RAB5A: variants seen among roughly 807,000 people sequenced by gnomAD.
RAB5A encodes ras-related protein Rab-5A.
In RAB5A, 8 loss-of-function variants were observed where a neutral mutation model predicts 25.7. The observed-to-expected ratio is 0.31, with a 90% CI of 0.18 to 0.56. RAB5A has a LOEUF of 0.56. Among genes scored for constraint, RAB5A ranks in the 20% least tolerant of loss-of-function variants. RAB5A has a pLI of 0.91. For synonymous variants in RAB5A, 98 were observed against 89.8 expected, an observed-to-expected ratio of 1.09 and a Z score of -0.52; for missense variants, 192 against 259.7, an observed-to-expected ratio of 0.74 and a Z score of 1.79.
chr3:19,964,581 T>G (rs920554545), intron 2 of RAB5A, among the ~76,000 whole-genome samples: 1 of 152,168 alleles, frequency 6.6e-6, no homozygotes, highest in Non-Finnish European at 1.5e-5. Context: ...GAGATCAGGT[T>G]TGGGGCACTA....
At chr3:19,982,396 A>G (rs116565000) in intron 5 of RAB5A, among the ~76,000 whole-genome samples, 25 of 152,324 alleles carry the variant, frequency 1.6e-4, no homozygotes, top group African/African-American at 4.8e-4. Context: ...CCAGTATGCT[A>G]AGTTTTGACA....
Position 19,978,361 on chromosome 3 carries a change from G to A in RAB5A, c.490G>A (p.Ala164Thr), listed in dbSNP as rs777286944. The A allele has an allele frequency of 7.5e-6, 12 of 1,609,686 alleles. No homozygotes were observed. Among genetic ancestry groups the A allele is most frequent in the Admixed American group, 3.3e-5 (2 of 59,810 alleles). The change falls in exon 5 of 6, where the codon GCT becomes ACT. Residue 164 changes from alanine (A) to threonine (T), a missense_variant. By Grantham distance (58) the Ala-to-Thr change is moderately conservative. Transcript: ENST00000273047. ...DNSLLFMETS[A>T]KTSMNVNEIF... Reference sequence around the variant, plus strand: ...TAGTTTATTATTCATGGAGACATCCGCTAAAACATCAATGAATGTAAATGA... The same window carrying A: ...TAGTTTATTATTCATGGAGACATCCACTAAAACATCAATGAATGTAAATGA...
At chr3:19,967,832 C>CA (rs1199347726) in intron 2 of RAB5A, among the ~76,000 whole-genome samples, 3 of 152,164 alleles carry the variant, frequency 2.0e-5, no homozygotes, top group South Asian at 2.1e-4. Flanking sequence ...TAACTACACT[C>CA]ACGACTGTCG....
At chr3:19,975,499 G>T (rs940958549) in intron 2 of RAB5A, 102 bp from the exon 3 acceptor site, 16 of 1,115,984 alleles carry the variant, frequency 1.4e-5, no homozygotes, top group African/African-American at 1.6e-5. Flanking sequence ...TACTTACGGG[G>T]TACAGTGTGA....
chr3:19,981,737 C>T (rs9310601), intron 5 of RAB5A, among the ~76,000 whole-genome samples: 2,735 of 152,146 alleles, frequency 0.018, 73 homozygotes, highest in African/African-American at 0.062. Flanking sequence ...CAGTGGGAAG[C>T]ACACTCCAGA....
chr3:19,975,442 T>C lies in RAB5A; in HGVS notation c.164-159T>C, dbSNP rs1021970036. On this transcript the variant is annotated intron_variant, in intron 2 of 5. Coordinates refer to ENST00000273047, the MANE Select transcript of RAB5A (RefSeq NM_004162.5). ...CAAGTTTCTAGGTGTTTTCTTTTTT[T>C]TTCCCCCCTCATTTATTACTTTTAA... The C allele has an allele frequency of 1.0e-4, 62 of 616,740 alleles. 1 individual carries two copies. Among genetic ancestry groups the C allele is most frequent in the Middle Eastern group, 9.3e-4 (2 of 2,152 alleles). The allele number at this position is 616,740 out of a possible 1,614,324, so 38.2% of individuals were successfully genotyped here.
chr3:19,954,041 A>G (rs796757285), intron 2 of RAB5A, among the ~76,000 whole-genome samples: 15 of 152,004 alleles, frequency 9.9e-5, no homozygotes, highest in African/African-American at 3.4e-4. Flanking sequence ...TTGAGACGGA[A>G]TTTCACTACG....
intron 2 of RAB5A, among the ~76,000 whole-genome samples, chr3:19,953,370 T>G (rs1696451747): frequency 6.6e-6 from 1 of 151,854 alleles, no homozygotes; most frequent in Non-Finnish European, 1.5e-5. Flanking sequence ...AGCTTCCTGT[T>G]TAAAAACAAA....
intron 4 of RAB5A, 91 bp downstream of exon 4, chr3:19,976,260 C>T: frequency 7.4e-7 from 1 of 1,359,860 alleles, no homozygotes; most frequent in Non-Finnish European, 1.0e-6. Context: ...AATGTCAAAA[C>T]CATGCAAGTA....
chr3:19,981,648 CTTAGGATGGA>C (rs1696930206), intron 5 of RAB5A, among the ~76,000 whole-genome samples: 1 of 151,698 alleles, frequency 6.6e-6, no homozygotes, highest in Non-Finnish European at 1.5e-5. Flanking sequence ...AAACATACAA[CTTAGGATGGA>C]TATATCAGGA....
At chr3:19,951,249 T>C in intron 2 of RAB5A, 188 bp downstream of exon 2, 1 of 588,836 alleles carries the variant, frequency 1.7e-6, no homozygotes, top group Non-Finnish European at 2.8e-6. Flanking sequence ...TATATTTGAT[T>C]GTTTGGTTAA....
At chr3:19,957,416 C>T (rs558973812) in intron 2 of RAB5A, among the ~76,000 whole-genome samples, 10 of 151,562 alleles carry the variant, frequency 6.6e-5, no homozygotes, top group African/African-American at 2.4e-4. Flanking sequence ...CCTGTAATCC[C>T]AACACTTTGG....
At chr3:19,957,490 TAAA>T (rs57627468) in intron 2 of RAB5A, among the ~76,000 whole-genome samples, 15 of 138,662 alleles carry the variant, frequency 1.1e-4, no homozygotes, top group Non-Finnish European at 9.3e-5. Context: ...CCATCCTTAC[TAAA>T]AAAAAAAAAA....
chr3:19,979,731 C>G (rs1696887478), intron 5 of RAB5A, among the ~76,000 whole-genome samples: 1 of 151,622 alleles, frequency 6.6e-6, no homozygotes, highest in Non-Finnish European at 1.5e-5. Context: ...TTTCCTCTTT[C>G]CAGTGGTTTT....
At chr3:19,957,703 C>G (rs1696524446) in intron 2 of RAB5A, among the ~76,000 whole-genome samples, 1 of 147,272 alleles carries the variant, frequency 6.8e-6, no homozygotes, top group Non-Finnish European at 1.5e-5. Context: ...TGCACTCCAG[C>G]CTGAGCAACA....
chr3:19,984,315 T>G lies in RAB5A; in HGVS notation c.*492T>G, dbSNP rs148311294. The G allele has an allele frequency of 2.0e-4, 82 of 414,478 alleles. No homozygotes were observed. The highest frequency in any genetic ancestry group is 7.5e-4 in the Middle Eastern group (2 of 2,682). The allele number at this position is 414,478 out of a possible 1,614,324, so 25.7% of individuals were successfully genotyped here. A position where few individuals can be genotyped will look rare whatever the true frequency, so the allele number is the denominator to read the frequency against. ...CTGGTACCTGTATTTAAAATGTACATTCCACATTTTAATAAATTAACCACA... is the reference window on the plus strand; with the variant it reads ...CTGGTACCTGTATTTAAAATGTACAGTCCACATTTTAATAAATTAACCACA... On this transcript the variant is annotated 3_prime_UTR_variant, in exon 6 of 6. Transcript: ENST00000273047.
intron 2 of RAB5A, among the ~76,000 whole-genome samples, chr3:19,969,031 G>GTTTTTTTTTTTTTTTTTTTTTTTTTT (rs1162365486): frequency 2.0e-5 from 2 of 99,702 alleles, no homozygotes. Flanking sequence ...TTTGGTTTTG[G>GTTTTTTTTTTTTTTTTTTTTTTTTTT]TTTTTTTTTT....
intron 2 of RAB5A, among the ~76,000 whole-genome samples, chr3:19,974,526 A>G (rs1696794537): frequency 6.6e-6 from 1 of 152,134 alleles, no homozygotes; most frequent in Non-Finnish European, 1.5e-5. Context: ...ATGGCAGGGA[A>G]TGAAAGGTAG....
At chr3:19,950,316 G>C (rs557813264) in intron 1 of RAB5A, among the ~76,000 whole-genome samples, 26 of 152,212 alleles carry the variant, frequency 1.7e-4, no homozygotes, top group African/African-American at 6.0e-4. Flanking sequence ...CTAAATTTTA[G>C]GATCTGTTCT....
Sources: allele counts gnomAD v4.1 joint callset (sites outside exome capture counted in the v4.1 genomes callset), GRCh38; gene constraint gnomAD v4.1.1; transcripts MANE v1.5; gene names NCBI Gene and HGNC (gene_info 2026-07-23, HGNC 2026-07-21).